Variants in PIK3R6 observed in about 807,000 individuals in gnomAD.
PIK3R6 encodes phosphoinositide-3-kinase regulatory subunit 6.
Under a neutral mutation model 84.9 loss-of-function variants are expected in PIK3R6, and 91 were observed. The ratio of observed to expected loss-of-function variants is 1.07; its 90% CI spans 0.90 to 1.28. The LOEUF is 1.28. Ranked by LOEUF, PIK3R6 falls within the 50% of genes most tolerant of loss-of-function variation. The pLI is 0.00. For synonymous variants in PIK3R6, 416 were observed against 411.4 expected, an observed-to-expected ratio of 1.01 and a Z score of -0.13; for missense variants, 996 against 985.1, an observed-to-expected ratio of 1.01 and a Z score of -0.15.
intron 15 of PIK3R6, 144 bp from the exon 16 acceptor site, chr17:8,822,801 C>T: frequency 1.0e-6 from 1 of 1,000,700 alleles, no homozygotes; most frequent in Non-Finnish European, 1.5e-6. Flanking sequence ...CCTCCGGGGG[C>T]CAGGATGCCT....
chr17:8,851,057 A>C (rs2088944523), intron 1 of PIK3R6, among the ~76,000 whole-genome samples: 1 of 152,216 alleles, frequency 6.6e-6, no homozygotes, highest in Non-Finnish European at 1.5e-5. Context: ...TGGAGAAAGA[A>C]GAGAAGATTC....
chr17:8,849,999 T>A, intron 1 of PIK3R6, 114 bp from the exon 2 acceptor site: 3 of 511,374 alleles, frequency 5.9e-6, no homozygotes, highest in Non-Finnish European at 9.9e-6. Context: ...GGGGGAAGTC[T>A]AGATGTATTT....
rs1040745759 is a variant in PIK3R6, at chr17:8,803,880, G to A, written c.2108+161C>T. The stretch of plus-strand genomic sequence containing the variant: ...CGACTTCCTGGATCCAAAGCATAGG[G>A]CAGTGGCCTCTGTCCATCCTCACCA... On this transcript the variant is annotated intron_variant, in intron 19 of 19. Coordinates refer to ENST00000619866, the MANE Select transcript of PIK3R6 (RefSeq NM_001010855.4). This position sits in a 1 kb window ranked among gnomAD's most constrained non-coding sequence, Gnocchi z 5.0. 5 of 643,900 alleles carry A rather than the reference G, an allele frequency of 7.8e-6. No individual in the cohort carries two copies. Among genetic ancestry groups the A allele is most frequent in the East Asian group, 2.7e-5 (1 of 36,644 alleles). The allele number at this position is 643,900 out of a possible 1,614,324, so 39.9% of individuals were successfully genotyped here.
intron 13 of PIK3R6, among the ~76,000 whole-genome samples, chr17:8,826,450 A>C (rs1419264089): frequency 6.6e-6 from 1 of 152,150 alleles, no homozygotes; most frequent in Non-Finnish European, 1.5e-5. Flanking sequence ...TGCAGCCATA[A>C]AAAAAGAGTG....
chr17:8,822,467 G>C, intron 16 of PIK3R6, 120 bp downstream of exon 16: 1 of 1,172,826 alleles, frequency 8.5e-7, no homozygotes, highest in South Asian at 1.4e-5. Flanking sequence ...TCTGCGGGCA[G>C]CTTCAAGAAA....
chr17:8,850,420 G>A (rs1470547713), intron 1 of PIK3R6, among the ~76,000 whole-genome samples: 2 of 152,098 alleles, frequency 1.3e-5, no homozygotes, highest in African/African-American at 4.8e-5. Flanking sequence ...TTAAGCTTAT[G>A]AGGCAGGTTC....
At chr17:8,846,642 G>A (rs567644223) in intron 2 of PIK3R6, among the ~76,000 whole-genome samples, 7 of 152,000 alleles carry the variant, frequency 4.6e-5, no homozygotes, top group Admixed American at 1.3e-4. Flanking sequence ...TTTCTTTTTA[G>A]CAGTGCTTTG....
chr17:8,858,727 T>C (rs562567380), intron 1 of PIK3R6, among the ~76,000 whole-genome samples: 4 of 152,334 alleles, frequency 2.6e-5, no homozygotes, highest in South Asian at 2.1e-4. Flanking sequence ...ATTGAGTGGC[T>C]GTTACTGTTT....
chr17:8,852,067 T>A (rs1219196428), intron 1 of PIK3R6, among the ~76,000 whole-genome samples: 1 of 152,136 alleles, frequency 6.6e-6, no homozygotes, highest in African/African-American at 2.4e-5. Flanking sequence ...ATACCTAGAA[T>A]AGGCAAATTC....
chr17:8,832,717 C>T (rs149450), intron 9 of PIK3R6, among the ~76,000 whole-genome samples, 172 bp downstream of exon 9: 2 of 152,140 alleles, frequency 1.3e-5, no homozygotes, highest in African/African-American at 4.8e-5. Context: ...TTACCCGCCT[C>T]TTAGTCCCGG....
At chr17:8,840,593 C>A (rs2088644874) in intron 2 of PIK3R6, among the ~76,000 whole-genome samples, 1 of 145,830 alleles carries the variant, frequency 6.9e-6, no homozygotes, top group Non-Finnish European at 1.5e-5. Context: ...AAGTATATAT[C>A]CTCCAAATAT....
chr17:8,837,736 G>A, intron 5 of PIK3R6, 67 bp downstream of exon 5: 1 of 1,378,986 alleles, frequency 7.3e-7, no homozygotes. Context: ...TGCCCACTAA[G>A]GGGAGAGTGT....
intron 13 of PIK3R6, among the ~76,000 whole-genome samples, chr17:8,825,213 T>C (rs1452839028): frequency 6.6e-6 from 1 of 152,198 alleles, no homozygotes; most frequent in African/African-American, 2.4e-5. Flanking sequence ...AATGAAGAGC[T>C]ACACCATGCT....
At chr17:8,819,909 C>CATATATATATTTTATATAT (rs1329472887) in intron 17 of PIK3R6, among the ~76,000 whole-genome samples, 12 of 140,488 alleles carry the variant, frequency 8.5e-5, no homozygotes, top group Non-Finnish European at 1.8e-4. Flanking sequence ...TGTATACATA[C>CATATATATATTTTATATAT]ATATATATAT....
At position 8,819,879 on chromosome 17, in the gene PIK3R6, TAC is replaced by T. The variant is rs917187193; in HGVS notation, c.1880-683_1880-682del. On this transcript the variant is annotated intron_variant, in intron 17 of 19. Coordinates refer to ENST00000619866, the MANE Select transcript of PIK3R6 (RefSeq NM_001010855.4). ...ATAGACACACATATATATGTATATA[TAC>T]ACACACACGTATATATGTGTATACA... Among the ~76,000 whole-genome samples, 269 of 146,780 alleles carry T rather than the reference TAC, an allele frequency of 1.8e-3. 2 individuals are homozygous for T. The highest frequency in any genetic ancestry group is 2.2e-3 in the Non-Finnish European group (150 of 66,988).
Position 8,862,575 on chromosome 17 carries a change from T to A in PIK3R6, c.-92+4954A>T, listed in dbSNP as rs1244624909. On this transcript the variant is annotated intron_variant, in intron 1 of 19. Transcript: ENST00000619866. The surrounding 1 kb of genome is among the most constrained non-coding windows in gnomAD (Gnocchi z 4.3). ...ACCTCTGTCACCTGGGGGTGGCTGATCTTTCTCGGGCCGTATCACGGACAG... is the reference window on the plus strand; with the variant it reads ...ACCTCTGTCACCTGGGGGTGGCTGAACTTTCTCGGGCCGTATCACGGACAG... Among the ~76,000 whole-genome samples, 1 of 152,120 alleles carries A rather than the reference T, an allele frequency of 6.6e-6. No homozygotes were observed. The highest frequency in any genetic ancestry group is 1.5e-5 in the Non-Finnish European group (1 of 68,020).
At chr17:8,821,105 G>A (rs898163518) in intron 17 of PIK3R6, among the ~76,000 whole-genome samples, 1 of 152,188 alleles carries the variant, frequency 6.6e-6, no homozygotes, top group African/African-American at 2.4e-5. Context: ...GAACTTACTT[G>A]TTTGCTCCAA....
At chr17:8,856,431 G>A (rs1187989573) in intron 1 of PIK3R6, among the ~76,000 whole-genome samples, 8 of 152,140 alleles carry the variant, frequency 5.3e-5, no homozygotes, top group African/African-American at 1.2e-4. Context: ...GTGGAACCAC[G>A]TCTCTAATAA....
chr17:8,841,433 T>C (rs530014073), intron 2 of PIK3R6, among the ~76,000 whole-genome samples: 3 of 152,308 alleles, frequency 2.0e-5, no homozygotes, highest in South Asian at 2.1e-4. Flanking sequence ...TTACCGTCGA[T>C]GTATAAGAAT....
Sources: gnomAD v4.1 joint callset for allele counts (sites outside exome capture counted in the v4.1 genomes callset) on GRCh38, gnomAD v4.1.1 for gene constraint, Gnocchi (gnomAD v3.1) non-coding constraint, MANE v1.5 for transcripts, NCBI Gene and HGNC (gene_info 2026-07-23, HGNC 2026-07-21) for gene names.